ANTXRL: variants seen among roughly 807,000 people sequenced by gnomAD.
ANTXRL encodes the protein ANTXR like, also known as anthrax toxin receptor-like.
A neutral mutation model predicts 75.4 loss-of-function variants in ANTXRL; 63 were observed. The ratio of observed to expected loss-of-function variants is 0.84; its 90% CI spans 0.68 to 1.03. The LOEUF (loss-of-function observed/expected upper bound fraction) is 1.03. ANTXRL is among the 50% of genes least tolerant of loss of function. The probability of loss-of-function intolerance (pLI) is 0.00; values close to 1 mark genes in which losing one functional copy is unlikely to be tolerated. For missense variants in ANTXRL, 797 were observed against 789.4 expected, an observed-to-expected ratio of 1.01 and a Z score of -0.12; for synonymous variants, 335 against 291.3, an observed-to-expected ratio of 1.15 and a Z score of -1.53.
intron 5 of ANTXRL, 56 bp from the exon 6 acceptor site, chr10:46,297,196 C>G (rs1837431698): frequency 4.2e-6 from 6 of 1,440,774 alleles, no homozygotes; most frequent in African/African-American, 1.4e-5. Flanking sequence ...TCCGGAGCTT[C>G]TGGAGGTCAC....
chr10:46,311,516 G>C lies in ANTXRL; in HGVS notation c.1180G>C (p.Glu394Gln). ...PPVQKPEKEP[E>Q]QEKPPSPPPP... ...GTTGTTTTTCTTTTTTTAGGAGCCA[G>C]AGCAGGAAAAACCACCATCACCACC... The change falls in exon 15 of 17, where the codon GAG (glutamate) becomes CAG (glutamine). Residue 394 changes from glutamate to glutamine, a missense_variant. Around this residue, in one of 3 missense-constraint regions of ANTXRL, gnomAD observed 479 missense variants for 422.0 expected, o/e 1.14. Coordinates refer to ENST00000620264, the MANE Select transcript of ANTXRL (RefSeq NM_001278688.3). 1 of 1,532,104 alleles carries C rather than the reference G, an allele frequency of 6.5e-7. No individual in the cohort carries two copies. The highest frequency in any genetic ancestry group is 8.7e-7 in the Non-Finnish European group (1 of 1,144,962). 94.9% of individuals were successfully genotyped at this position (1,532,104 alleles called of 1,614,324 possible).
chr10:46,288,908 C>G (rs1554955859), intron 1 of ANTXRL, among the ~76,000 whole-genome samples: 1 of 152,118 alleles, frequency 6.6e-6, no homozygotes, highest in African/African-American at 2.4e-5. Context: ...GTCTTCCTAA[C>G]AAGGCTGGGG....
intron 16 of ANTXRL, among the ~76,000 whole-genome samples, chr10:46,314,454 A>C (rs1280187217): frequency 6.6e-6 from 1 of 152,008 alleles, no homozygotes; most frequent in Non-Finnish European, 1.5e-5. Flanking sequence ...CTTAGGAGGG[A>C]TAGAGCTTGA....
Position 46,306,784 on chromosome 10 carries a change from T to C in ANTXRL, c.896-19T>C, listed in dbSNP as rs1554961991. The C allele has an allele frequency of 2.0e-6, 3 of 1,514,494 alleles. No individual in the cohort carries two copies. Among genetic ancestry groups the C allele is most frequent in the Non-Finnish European group, 2.6e-6 (3 of 1,134,052 alleles). The allele number at this position is 1,514,494 out of a possible 1,614,324, so 93.8% of individuals were successfully genotyped here. ...ACAGACAGGTGCACTGACATTCTTC[T>C]CATGTCATTTTCTTTTAGATGAAAA... is the stretch of plus-strand genomic sequence containing the variant. On this transcript the variant is annotated intron_variant, in intron 10 of 16. Coordinates refer to ENST00000620264, the MANE Select transcript of ANTXRL (RefSeq NM_001278688.3).
intron 5 of ANTXRL, 72 bp from the exon 6 acceptor site, chr10:46,297,179 CA>C (rs1411904419): frequency 1.6e-6 from 2 of 1,273,670 alleles, no homozygotes; most frequent in African/African-American, 1.5e-5. Flanking sequence ...CAGCCATCTG[CA>C]GGGGTTCCGG....
At chr10:46,311,822 C>T (rs563972556) in intron 15 of ANTXRL, among the ~76,000 whole-genome samples, 157 bp downstream of exon 15, 6 of 152,274 alleles carry the variant, frequency 3.9e-5, no homozygotes, top group South Asian at 2.1e-4. Context: ...ACCAGATGCC[C>T]ACCTCACCCT....
intron 1 of ANTXRL, among the ~76,000 whole-genome samples, chr10:46,288,657 A>G (rs1375457257): frequency 6.6e-6 from 1 of 152,108 alleles, no homozygotes; most frequent in Non-Finnish European, 1.5e-5. Flanking sequence ...CCCATCTGTA[A>G]AAAGGGTATC....
intron 10 of ANTXRL, among the ~76,000 whole-genome samples, chr10:46,306,018 C>T (rs1406530748): frequency 6.6e-6 from 1 of 152,108 alleles, no homozygotes; most frequent in Non-Finnish European, 1.5e-5. Flanking sequence ...AGAAATAAAA[C>T]CCCAACCCCT....
chr10:46,291,546 A>G (rs1357833499), intron 1 of ANTXRL, among the ~76,000 whole-genome samples: 2 of 152,152 alleles, frequency 1.3e-5, no homozygotes, highest in Non-Finnish European at 2.9e-5. Flanking sequence ...ATTCATAAGC[A>G]TGCAATATCT....
intron 9 of ANTXRL, among the ~76,000 whole-genome samples, chr10:46,299,170 A>G (rs187037722): frequency 3.7e-4 from 57 of 152,194 alleles, no homozygotes; most frequent in Non-Finnish European, 2.1e-4. Context: ...TACCACATCA[A>G]CAAAATAGGA....
At chr10:46,288,147 G>C (rs1235572081) in intron 1 of ANTXRL, among the ~76,000 whole-genome samples, 12 of 152,146 alleles carry the variant, frequency 7.9e-5, no homozygotes, top group Non-Finnish European at 2.9e-5. Context: ...CAAATGTTCA[G>C]CTTTGGAGAG....
At chr10:46,322,072 A>G (rs1440724489) in intron 16 of ANTXRL, among the ~76,000 whole-genome samples, 1 of 152,106 alleles carries the variant, frequency 6.6e-6, no homozygotes, top group Non-Finnish European at 1.5e-5. Context: ...AGAAGGAAAC[A>G]CATTTTCTGA....
intron 11 of ANTXRL, 67 bp from the exon 12 acceptor site, chr10:46,307,335 G>C: frequency 8.8e-7 from 1 of 1,138,478 alleles, no homozygotes; most frequent in Non-Finnish European, 1.3e-6. Context: ...CATTACCCAT[G>C]CTGTCCAAGG....
intron 16 of ANTXRL, among the ~76,000 whole-genome samples, chr10:46,319,145 T>A (rs935646667): frequency 6.6e-6 from 1 of 152,198 alleles, no homozygotes; most frequent in South Asian, 2.1e-4. Context: ...AACTCAAGTA[T>A]GTGAGTATGG....
At position 46,321,175 on chromosome 10, in the gene ANTXRL, A is replaced by G. The variant is rs1300194510; in HGVS notation, c.1410+7859A>G. Among the ~76,000 whole-genome samples, 3 of 152,168 alleles carry G rather than the reference A, an allele frequency of 2.0e-5. No homozygotes were observed. In the East Asian group the frequency reaches 5.8e-4, roughly 29 times the overall value. ...TTCATTTTTTTGGTTTTAGCCCACA[A>G]ACCCAATTGCTCGGGTTTTATGCTG... is the stretch of plus-strand genomic sequence containing the variant. On this transcript the variant is annotated intron_variant, in intron 16 of 16. Coordinates refer to ENST00000620264, the MANE Select transcript of ANTXRL (RefSeq NM_001278688.3).
Position 46,296,254 on chromosome 10 carries a change from T to G in ANTXRL, c.508+2T>G. The G allele has an allele frequency of 6.5e-7, 1 of 1,535,784 alleles. No individual in the cohort carries two copies. Among genetic ancestry groups the G allele is most frequent in the Non-Finnish European group, 8.7e-7 (1 of 1,146,686 alleles). On this transcript the variant is annotated splice_donor_variant, in intron 5 of 16. Coordinates refer to ENST00000620264, the MANE Select transcript of ANTXRL (RefSeq NM_001278688.3). LOFTEE classifies it high-confidence loss of function. ...AGATCGAAAGTTTCAACTCCGGAAG[T>G]AAGCACCTGCCGTCCCCCTGGTGGT... is the stretch of plus-strand genomic sequence containing the variant.
At chr10:46,326,649 G>T (rs1839227209) in intron 16 of ANTXRL, among the ~76,000 whole-genome samples, 1 of 152,206 alleles carries the variant, frequency 6.6e-6, no homozygotes, top group South Asian at 2.1e-4. Context: ...GGAGTGAGGT[G>T]GGGCTTCAAG....
intron 16 of ANTXRL, among the ~76,000 whole-genome samples, chr10:46,318,606 A>G (rs2132875032): frequency 6.6e-6 from 1 of 152,280 alleles, no homozygotes; most frequent in African/African-American, 2.4e-5. Context: ...AAGCTCCAAA[A>G]ATTAAAATAA....
chr10:46,297,217 T>C (rs1189212040), intron 5 of ANTXRL, 35 bp from the exon 6 acceptor site: 1 of 1,524,060 alleles, frequency 6.6e-7, no homozygotes, highest in Non-Finnish European at 8.8e-7. Flanking sequence ...TCCTGGTGCC[T>C]TTGCTGAGCA....
Sources: gnomAD v4.1 joint callset for allele counts (sites outside exome capture counted in the v4.1 genomes callset) on GRCh38, gnomAD v4.1.1 for gene constraint, gnomAD v4.1.1 regional missense constraint, MANE v1.5 for transcripts, NCBI Gene and HGNC (gene_info 2026-07-23, HGNC 2026-07-21) for gene names.